Variants in SLC29A3 observed in about 807,000 individuals in gnomAD.
SLC29A3 encodes the protein solute carrier family 29 member 3, also known as equilibrative nucleoside transporter 3.
In SLC29A3, 18 loss-of-function variants were observed where a neutral mutation model predicts 25.4. The observed-to-expected ratio is 0.71, with a 90% CI of 0.49 to 1.05. SLC29A3 has a LOEUF of 1.05. Ranked by LOEUF, SLC29A3 falls within the 50% of genes least tolerant of loss-of-function variation. SLC29A3 has a pLI of 0.00. For missense variants in SLC29A3, 586 were observed against 609.0 expected, an observed-to-expected ratio of 0.96 and a Z score of 0.40; for synonymous variants, 258 against 267.1, an observed-to-expected ratio of 0.97 and a Z score of 0.33.
chr10:71,339,437 G>A (rs1341238800), intron 2 of SLC29A3, among the ~76,000 whole-genome samples: 1 of 152,320 alleles, frequency 6.6e-6, no homozygotes, highest in Non-Finnish European at 1.5e-5. Context: ...CACATTCAGG[G>A]AGCACAGCTA....
intron 4 of SLC29A3, among the ~76,000 whole-genome samples, chr10:71,376,138 A>G (rs1847249978): frequency 1.3e-5 from 2 of 152,240 alleles, no homozygotes; most frequent in Non-Finnish European, 2.9e-5. Flanking sequence ...CAAACTCCAG[A>G]TTGTTCCTGT....
intron 2 of SLC29A3, among the ~76,000 whole-genome samples, chr10:71,342,985 C>A (rs1358152501): frequency 6.6e-6 from 1 of 152,182 alleles, no homozygotes; most frequent in East Asian, 1.9e-4. Context: ...ATCTTTCTTT[C>A]TGTTATTTTT....
At chr10:71,375,815 A>C (rs576136892) in intron 4 of SLC29A3, 1 of 152,232 alleles carries the variant, frequency 6.6e-6, no homozygotes, top group South Asian at 2.1e-4. Context: ...GGGCCAGGTA[A>C]GTTCTCCCTT....
chr10:71,372,545 C>G (rs1469463937), intron 3 of SLC29A3, among the ~76,000 whole-genome samples: 2 of 152,184 alleles, frequency 1.3e-5, no homozygotes, highest in African/African-American at 4.8e-5. Context: ...CCAGGTGGTG[C>G]TGATGCTGCT....
intron 3 of SLC29A3, among the ~76,000 whole-genome samples, chr10:71,345,834 C>T (rs966973008): frequency 3.9e-5 from 6 of 152,264 alleles, no homozygotes; most frequent in Non-Finnish European, 5.9e-5. Context: ...GAGCAGGAGG[C>T]GAGGAAGAGG....
intron 4 of SLC29A3, among the ~76,000 whole-genome samples, chr10:71,352,018 G>T (rs1589238143): frequency 6.6e-6 from 1 of 152,316 alleles, no homozygotes; most frequent in East Asian, 1.9e-4. Context: ...CATGGCATCA[G>T]CCAGCATAGC....
intron 2 of SLC29A3, among the ~76,000 whole-genome samples, chr10:71,327,341 C>G (rs537835155): frequency 7.9e-5 from 12 of 152,122 alleles, no homozygotes; most frequent in South Asian, 2.1e-4. Flanking sequence ...GAATAAGAAC[C>G]TCCAATAAAT....
At chr10:71,335,667 G>A (rs1024970607) in intron 2 of SLC29A3, among the ~76,000 whole-genome samples, 1 of 152,204 alleles carries the variant, frequency 6.6e-6, no homozygotes, top group Admixed American at 6.5e-5. Flanking sequence ...GCTTTGAAGA[G>A]GGGCTGAGAA....
chr10:71,335,733 G>C (rs112870519), intron 2 of SLC29A3, among the ~76,000 whole-genome samples: 1 of 152,146 alleles, frequency 6.6e-6, no homozygotes, highest in Non-Finnish European at 1.5e-5. Context: ...TCTCTTGAAG[G>C]CCTTTGATTT....
chr10:71,330,417 A>G (rs952425734), intron 2 of SLC29A3, among the ~76,000 whole-genome samples: 1 of 152,168 alleles, frequency 6.6e-6, no homozygotes, highest in African/African-American at 2.4e-5. Flanking sequence ...CTGTTCCCAG[A>G]GGTTTAAAAG....
downstream of SLC29A3, among the ~76,000 whole-genome samples, chr10:71,368,005 T>C (rs780691): frequency 0.52 from 78,513 of 151,952 alleles, 21,720 homozygotes; most frequent in Middle Eastern, 0.63. Flanking sequence ...GGAGAATCAC[T>C]TGAGGCCAGG....
chr10:71,327,774 G>C (rs1404266498), intron 2 of SLC29A3, among the ~76,000 whole-genome samples: 1 of 140,064 alleles, frequency 7.1e-6, no homozygotes, highest in African/African-American at 2.7e-5. Flanking sequence ...CCTGCCCCTG[G>C]TCTGGCCTCC....
chr10:71,328,054 A>G (rs1846013543), intron 2 of SLC29A3, among the ~76,000 whole-genome samples: 1 of 151,920 alleles, frequency 6.6e-6, no homozygotes, highest in Non-Finnish European at 1.5e-5. Flanking sequence ...TCTCCTGGCC[A>G]TTCCTTGCTG....
chr10:71,329,140 G>T (rs1440947470), intron 2 of SLC29A3, among the ~76,000 whole-genome samples: 1 of 152,136 alleles, frequency 6.6e-6, no homozygotes, highest in African/African-American at 2.4e-5. Flanking sequence ...CATTCCAGTT[G>T]CCAAATGAAA....
At chr10:71,324,059 G>A (rs140523529) in intron 2 of SLC29A3, among the ~76,000 whole-genome samples, 4 of 152,284 alleles carry the variant, frequency 2.6e-5, no homozygotes, top group East Asian at 1.9e-4. Flanking sequence ...ACTGACACTC[G>A]TTAAAACAGT....
chr10:71,328,111 G>A (rs535615752), intron 2 of SLC29A3, among the ~76,000 whole-genome samples: 2 of 152,280 alleles, frequency 1.3e-5, no homozygotes, highest in East Asian at 3.9e-4. Context: ...TGTGTACCTC[G>A]GTCTGCCCAG....
At chr10:71,369,280 G>A (rs551838762) in intron 3 of SLC29A3, among the ~76,000 whole-genome samples, 1 of 152,328 alleles carries the variant, frequency 6.6e-6, no homozygotes, top group Non-Finnish European at 1.5e-5. Flanking sequence ...TGTTATAGTA[G>A]TGTGAACAGA....
At chr10:71,368,268 C>G (rs1387583448), downstream of SLC29A3, among the ~76,000 whole-genome samples, 4 of 152,190 alleles carry the variant, frequency 2.6e-5, no homozygotes, top group Non-Finnish European at 1.5e-5. Flanking sequence ...AGAAGCCTCT[C>G]AGGGCTGTAG....
At chr10:71,376,527 A>C (rs7078558) in intron 4 of SLC29A3, among the ~76,000 whole-genome samples, 5,679 of 152,294 alleles carry the variant, frequency 0.037, 335 homozygotes, top group African/African-American at 0.12. Context: ...GGTAGGAAGT[A>C]AGCAACCAAT....
Sources: allele counts gnomAD v4.1 joint callset (sites outside exome capture counted in the v4.1 genomes callset), GRCh38; gene constraint gnomAD v4.1.1; transcripts MANE v1.5; gene names NCBI Gene and HGNC (gene_info 2026-07-23, HGNC 2026-07-21).